NHSL1: variants seen among roughly 807,000 people sequenced by gnomAD.
The protein encoded by NHSL1 is NHS-like protein 1.
NHSL1 carries 48 observed loss-of-function variants against 95.0 expected under a neutral mutation model. The ratio of observed to expected loss-of-function variants is 0.51; its 90% CI spans 0.40 to 0.64. The LOEUF is 0.64. Ranked by LOEUF, NHSL1 falls within the 30% of genes least tolerant of loss-of-function variation. NHSL1 has a pLI of 0.00. For synonymous variants in NHSL1, 783 were observed against 833.9 expected (o/e 0.94, Z 1.05); for missense variants, 1,971 against 2,077.7 (o/e 0.95, Z 1.00).
chr6:138,433,176 A>T lies in NHSL1; in HGVS notation c.1169T>A (p.Phe390Tyr), dbSNP rs1172186866. The change falls in exon 6 of 8, where the codon TTC (phenylalanine) becomes TAC (tyrosine). Residue 390 changes from phenylalanine to tyrosine, a missense_variant. Around this residue, in one of 3 missense-constraint regions of NHSL1, gnomAD observed 1,602 missense variants for 1,654.5 expected, o/e 0.97. Transcript: ENST00000343505. ...TGGGCTCATTATATTTTCACTCTCG[A>T]AGTGTCTCAACTCCTGGGATTTGGG... ...LRPKSQELRH[F>Y]ESENIMSPAC... 8 of 1,551,258 alleles carry T rather than the reference A, an allele frequency of 5.2e-6. 1 individual carries two copies. The South Asian group carries it at 9.5e-5, about 18-fold the overall frequency.
At chr6:138,545,742 G>T (rs150842729), upstream of NHSL1, 1 of 1,238,148 alleles carries the variant, frequency 8.1e-7, no homozygotes, top group African/African-American at 1.6e-5. Context: ...CACTGCCAGA[G>T]AGCGGGGCGG....
intron 1 of NHSL1, among the ~76,000 whole-genome samples, chr6:138,638,341 TG>T (rs1483915841): frequency 6.6e-6 from 1 of 152,206 alleles, no homozygotes; most frequent in East Asian, 1.9e-4. Flanking sequence ...AGAGTATAAT[TG>T]GATTGTTTGT....
chr6:138,557,202 A>C (rs896218115), intron 1 of NHSL1, among the ~76,000 whole-genome samples: 1 of 152,234 alleles, frequency 6.6e-6, no homozygotes, highest in East Asian at 1.9e-4. Context: ...AAGCCAACAG[A>C]AGATAAACAT....
At chr6:138,427,551 T>C (rs1250546637) in intron 7 of NHSL1, among the ~76,000 whole-genome samples, 8 of 152,154 alleles carry the variant, frequency 5.3e-5, no homozygotes, top group Admixed American at 3.3e-4. Context: ...ACAAATTCTT[T>C]GCATATACAT....
Position 138,431,653 on chromosome 6 carries a change from T to G in NHSL1, c.2692A>C (p.Ile898Leu). 1.9e-6 allele frequency: 3 copies of G among 1,551,608 alleles called. No individual in the cohort carries two copies. Among genetic ancestry groups the G allele is most frequent in the Non-Finnish European group, 2.6e-6 (3 of 1,146,920 alleles). ...GAAAGAGAAGTGGACGATGAGGAAA[T>G]GGATACTGAAGATATCAGAGAGGAC... Reference protein sequence around the residue: ...RKSSLISSVSISSSSTSLSSS... With the variant: ...RKSSLISSVSLSSSSTSLSSS... Residue 898 changes from isoleucine to leucine, a missense_variant, in exon 6 of 8, where the codon ATT (isoleucine) becomes CTT (leucine). This residue lies in a region of NHSL1 where 1,602 missense variants were observed against 1,654.5 expected (regional missense o/e 0.97). Transcript: ENST00000343505. This position sits in a 1 kb window ranked among gnomAD's most constrained non-coding sequence, Gnocchi z 4.0.
chr6:138,453,201 T>C (rs963665358), intron 3 of NHSL1, among the ~76,000 whole-genome samples: 1 of 151,982 alleles, frequency 6.6e-6, no homozygotes, highest in African/African-American at 2.4e-5. Flanking sequence ...TCTCAAACTC[T>C]TGACCTCAGG....
At chr6:138,684,073 A>G (rs1785550648) in intron 1 of NHSL1, among the ~76,000 whole-genome samples, 1 of 151,680 alleles carries the variant, frequency 6.6e-6, no homozygotes, top group African/African-American at 2.4e-5. Flanking sequence ...TCAGCTGGGC[A>G]TGGTGGTGCC....
At chr6:138,516,878 T>C (rs1781483072) in intron 1 of NHSL1, among the ~76,000 whole-genome samples, 1 of 152,108 alleles carries the variant, frequency 6.6e-6, no homozygotes, top group Admixed American at 6.6e-5. Flanking sequence ...CAAGCAATCC[T>C]CGTGCCTCAG....
At chr6:138,505,615 A>G (rs902881817) in intron 1 of NHSL1, among the ~76,000 whole-genome samples, 1 of 147,298 alleles carries the variant, frequency 6.8e-6, no homozygotes, top group East Asian at 2.1e-4. Context: ...AGATTGCGCC[A>G]CTGCACCAGC....
intron 7 of NHSL1, 65 bp downstream of exon 7, chr6:138,429,646 G>A: frequency 7.2e-7 from 1 of 1,383,206 alleles, no homozygotes; most frequent in South Asian, 1.5e-5. Flanking sequence ...AAAGTAAATT[G>A]AGGTGCTGCT....
chr6:138,567,587 T>C (rs1035298545), intron 1 of NHSL1, among the ~76,000 whole-genome samples: 1 of 152,170 alleles, frequency 6.6e-6, no homozygotes, highest in Admixed American at 6.5e-5. Context: ...AGTAATCTAA[T>C]TATGTGCAAG....
At chr6:138,679,275 T>A (rs1785483671) in intron 1 of NHSL1, among the ~76,000 whole-genome samples, 1 of 152,112 alleles carries the variant, frequency 6.6e-6, no homozygotes, top group Non-Finnish European at 1.5e-5. Context: ...CTCCACATGC[T>A]TTTTAAGAGG....
rs924507628 is a variant in NHSL1 at position 138,692,026 on chromosome 6, T to C, written c.96+450A>G. On this transcript the variant is annotated intron_variant, in intron 1 of 3. Coordinates refer to the NHSL1 transcript ENST00000491526. The surrounding 1 kb of genome is among the most constrained non-coding windows in gnomAD (Gnocchi z 4.0). ...CCAACGCTCGCCGAGATCCCCAGGG[T>C]TTTACAAACGGATCGTCCTGAAGTC... The C allele has an allele frequency of 4.4e-5, 20 of 455,498 alleles. No homozygotes were observed. Among genetic ancestry groups the C allele is most frequent in the Non-Finnish European group, 7.9e-5 (18 of 226,686 alleles). The allele number at this position is 455,498 out of a possible 1,614,324, so 28.2% of individuals were successfully genotyped here.
chr6:138,432,917 G>A lies in NHSL1; in HGVS notation c.1428C>T (p.Ala476=). Residue 476 remains alanine (A), a synonymous_variant, in exon 6 of 8, where the codon GCC becomes GCT. Transcript: ENST00000343505. The surrounding 1 kb of genome is among the most constrained non-coding windows in gnomAD (Gnocchi z 4.4). The part of the protein sequence containing the change: ...SPGRHWNEGH[A]TILSQDLDPH... The stretch of plus-strand genomic sequence containing the variant: ...GGTCTAAGTCCTGTGAAAGAATGGT[G>A]GCATGGCCCTCATTCCAGTGGCGAC... The A allele has an allele frequency of 6.4e-7, 1 of 1,551,540 alleles. No individual in the cohort carries two copies.
rs1322378835 is a variant in NHSL1 at position 138,437,441 on chromosome 6, C to CAAAA, written c.665-3762_665-3761insTTTT. Among the ~76,000 whole-genome samples the CAAAA allele has an allele frequency of 5.6e-5, 2 of 35,480 alleles. 1 individual carries two copies. The highest frequency in any genetic ancestry group is 1.1e-4 in the Non-Finnish European group (2 of 18,472). The allele number at this position is 35,480 out of a possible 152,430, so 23.3% of individuals were successfully genotyped here. A position where few individuals can be genotyped will look rare whatever the true frequency, so the allele number is the denominator to read the frequency against. On this transcript the variant is annotated intron_variant, in intron 5 of 7. Transcript: ENST00000343505. ...ACACACACACACACACACACACACACACACAAAAAAAAAAAAAAAAAATAC... is the reference window on the plus strand; with the variant it reads ...ACACACACACACACACACACACACACAAAAACACAAAAAAAAAAAAAAAAAATAC...
intron 2 of NHSL1, among the ~76,000 whole-genome samples, chr6:138,478,087 T>C (rs1157207257): frequency 7.7e-6 from 1 of 129,324 alleles, no homozygotes; most frequent in East Asian, 2.7e-4. Context: ...CAGAGTGCAA[T>C]GGTGCAACCT....
chr6:138,658,714 T>A (rs1026021788), intron 1 of NHSL1, among the ~76,000 whole-genome samples: 5 of 152,204 alleles, frequency 3.3e-5, no homozygotes, highest in Non-Finnish European at 7.3e-5. Context: ...TACCCAGTAG[T>A]GGGATTGCTG....
intron 4 of NHSL1, among the ~76,000 whole-genome samples, chr6:138,444,537 C>G (rs1007840416): frequency 6.6e-6 from 1 of 152,004 alleles, no homozygotes; most frequent in East Asian, 1.9e-4. Flanking sequence ...AACATTCTAC[C>G]TCTATGCATG....
chr6:138,674,512 C>T (rs1474567333), intron 1 of NHSL1, among the ~76,000 whole-genome samples: 1 of 152,070 alleles, frequency 6.6e-6, no homozygotes, highest in Non-Finnish European at 1.5e-5. Context: ...TTGTTCCCCT[C>T]CCTGTGTCCA....
Sources: gnomAD v4.1 joint callset for allele counts (sites outside exome capture counted in the v4.1 genomes callset) on GRCh38, gnomAD v4.1.1 for gene constraint, gnomAD v4.1.1 regional missense constraint, Gnocchi (gnomAD v3.1) non-coding constraint, MANE v1.5 for transcripts, NCBI Gene and HGNC (gene_info 2026-07-23, HGNC 2026-07-21) for gene names.